The following SCN2A variants were observed in gnomAD, a reference collection of about 807,000 sequenced individuals.
SCN2A encodes sodium channel protein type 2 subunit alpha.
A neutral mutation model predicts 188.7 loss-of-function variants in SCN2A; 20 were observed. The ratio of observed to expected loss-of-function variants is 0.11; its 90% CI spans 0.07 to 0.15. SCN2A has a LOEUF of 0.15. SCN2A is among the 10% of genes least tolerant of loss of function. SCN2A has a pLI of 1.00. For missense variants in SCN2A, 1,278 were observed against 2,445.0 expected (o/e 0.52, Z 10.07); for synonymous variants, 804 against 833.1 (o/e 0.97, Z 0.60).
At chr2:165,264,645 T>C (rs1694757314) in intron 1 of SCN2A, among the ~76,000 whole-genome samples, 9 of 152,062 alleles carry the variant, frequency 5.9e-5, no homozygotes, top group Admixed American at 5.9e-4. Flanking sequence ...TAGGCCCCAG[T>C]GTGTGTTGGT....
chr2:165,372,994 G>T (rs144431811), intron 20 of SCN2A: 49 of 414,990 alleles, frequency 1.2e-4, no homozygotes, highest in African/African-American at 8.8e-4. Flanking sequence ...ATAAGTGTTC[G>T]CAGACTAGTA....
rs145944031 is a variant in SCN2A at position 165,367,874 on chromosome 2, G to A, written c.3675+503G>A. ...GCACTGCAAGAGTGAACTCCATACC[G>A]GCCCCACAGGAGCGTCTAGGGGAGG... On this transcript the variant is annotated intron_variant, in intron 19 of 26. Coordinates refer to ENST00000375437, the MANE Select transcript of SCN2A (RefSeq NM_001040142.2). Among the ~76,000 whole-genome samples, 6 of 152,212 alleles carry A rather than the reference G, an allele frequency of 3.9e-5. No individual in the cohort carries two copies. In the South Asian group the frequency reaches 1.2e-3, roughly 32 times the overall value.
chr2:165,345,127 C>A (rs1699504779), intron 16 of SCN2A, among the ~76,000 whole-genome samples: 1 of 152,160 alleles, frequency 6.6e-6, no homozygotes, highest in Non-Finnish European at 1.5e-5. Context: ...CTTTCATTAT[C>A]CTTCTTGCTA....
intron 1 of SCN2A, among the ~76,000 whole-genome samples, chr2:165,291,931 C>T (rs546024632): frequency 6.6e-6 from 1 of 152,056 alleles, no homozygotes; most frequent in Non-Finnish European, 1.5e-5. Flanking sequence ...CACCAGGTGT[C>T]AGTGAGATGC....
intron 1 of SCN2A, chr2:165,271,446 G>A (rs1695101513): frequency 6.6e-6 from 1 of 152,132 alleles, no homozygotes; most frequent in African/African-American, 2.4e-5. Flanking sequence ...AAGAGAGTCA[G>A]CAAGACAGTG....
rs754563746 is a variant in SCN2A, at chr2:165,389,621, G to C, written c.5815G>C (p.Glu1939Gln). The C allele has an allele frequency of 9.9e-6, 16 of 1,613,938 alleles. No individual in the cohort carries two copies. In the South Asian group the frequency reaches 1.8e-4, roughly 18 times the overall value. The stretch of plus-strand genomic sequence containing the variant: ...TATATACAAGAAAGACAAAGGCAAA[G>C]AATGTGATGGAACACCCATCAAAGA... ...SSIYKKDKGKECDGTPIKEDT... is the reference protein window; with the variant it reads ...SSIYKKDKGKQCDGTPIKEDT... The change falls in exon 27 of 27, where the codon GAA (glutamate) becomes CAA (glutamine). Residue 1939 changes from glutamate to glutamine, a missense_variant. Coordinates refer to ENST00000375437, the MANE Select transcript of SCN2A (RefSeq NM_001040142.2). This position sits in a 1 kb window ranked among gnomAD's most constrained non-coding sequence, Gnocchi z 4.2.
intron 1 of SCN2A, among the ~76,000 whole-genome samples, chr2:165,258,854 G>A (rs1049005280): frequency 6.6e-6 from 1 of 152,170 alleles, no homozygotes; most frequent in African/African-American, 2.4e-5. Flanking sequence ...AATACCACAT[G>A]TTCTAACTTA....
At position 165,334,870 on chromosome 2, in the gene SCN2A, T is replaced by TACACACAC. The variant is rs143838903; in HGVS notation, c.2388+3314_2388+3321dup. ...CTTGTATTTAGAAAATCCTATAAAA[T>TACACACAC]ACACACACACACACACACAGCTGTT... On this transcript the variant is annotated intron_variant, in intron 14 of 26. Transcript: ENST00000375437. 1.9e-3 allele frequency among the ~76,000 whole-genome samples: 278 copies of TACACACAC among 148,512 alleles called. 2 individuals carry two copies. The East Asian group carries it at 0.032, about 17-fold the overall frequency.
At chr2:165,283,211 A>G (rs1280385559) in intron 1 of SCN2A, among the ~76,000 whole-genome samples, 1 of 152,220 alleles carries the variant, frequency 6.6e-6, no homozygotes, top group Admixed American at 6.5e-5. Context: ...AACAAATGGT[A>G]TAAATTTCTA....
intron 17 of SCN2A, among the ~76,000 whole-genome samples, chr2:165,359,698 C>T (rs1053481040): frequency 6.6e-6 from 1 of 151,954 alleles, no homozygotes; most frequent in Non-Finnish European, 1.5e-5. Flanking sequence ...ATGACTTTAT[C>T]CTGGAGAATG....
chr2:165,261,149 G>A (rs1428453644), intron 1 of SCN2A, among the ~76,000 whole-genome samples: 1 of 152,150 alleles, frequency 6.6e-6, no homozygotes, highest in Admixed American at 6.5e-5. Context: ...GGCTGTACAT[G>A]TTGGGTACAG....
intron 17 of SCN2A, 126 bp downstream of exon 17, chr2:165,354,797 A>G (rs1402102016): frequency 2.1e-6 from 2 of 933,816 alleles, no homozygotes; most frequent in Non-Finnish European, 3.2e-6. Context: ...CTAGCAATAT[A>G]TTTTCCATGG....
At chr2:165,267,046 A>G (rs550440643) in intron 1 of SCN2A, 2 of 152,246 alleles carry the variant, frequency 1.3e-5, no homozygotes, top group East Asian at 1.9e-4. Flanking sequence ...TAACGAGTGG[A>G]AAGAATTAAT....
At chr2:165,306,687 A>T (rs1697159594) in intron 3 of SCN2A, among the ~76,000 whole-genome samples, 1 of 152,016 alleles carries the variant, frequency 6.6e-6, no homozygotes, top group African/African-American at 2.4e-5. Flanking sequence ...AATAATTATT[A>T]TTATTGTTTT....
At chr2:165,296,697 T>A in intron 2 of SCN2A, 1 of 177,012 alleles carries the variant, frequency 5.6e-6, no homozygotes, top group East Asian at 1.6e-4. Flanking sequence ...AAAAAAAAAA[T>A]CAAAGCCTCA....
intron 11 of SCN2A, among the ~76,000 whole-genome samples, chr2:165,316,514 A>G (rs1437324893): frequency 2.0e-5 from 3 of 152,240 alleles, no homozygotes; most frequent in African/African-American, 7.2e-5. Context: ...GTACCTCAGA[A>G]GACATTTTCA....
chr2:165,242,708 C>T (rs1163081549), intron 1 of SCN2A, among the ~76,000 whole-genome samples: 2 of 152,000 alleles, frequency 1.3e-5, no homozygotes, highest in Admixed American at 6.6e-5. Flanking sequence ...AAAACCTAAG[C>T]CCTTTGTAGA....
At chr2:165,370,738 C>T (rs1700981146) in intron 20 of SCN2A, 1 of 173,562 alleles carries the variant, frequency 5.8e-6, no homozygotes, top group East Asian at 1.4e-4. Context: ...GTCCAAAAAG[C>T]AAGAGACACC....
intron 1 of SCN2A, among the ~76,000 whole-genome samples, chr2:165,261,744 G>A (rs1165420823): frequency 1.3e-5 from 2 of 152,034 alleles, no homozygotes; most frequent in Non-Finnish European, 2.9e-5. Flanking sequence ...TAGTCACTCT[G>A]CATCACTGTG....
Sources: gnomAD v4.1 joint callset for allele counts (sites outside exome capture counted in the v4.1 genomes callset) on GRCh38, gnomAD v4.1.1 for gene constraint, Gnocchi (gnomAD v3.1) non-coding constraint, MANE v1.5 for transcripts, NCBI Gene and HGNC (gene_info 2026-07-23, HGNC 2026-07-21) for gene names.